FRMD4A: variants seen among roughly 807,000 people sequenced by gnomAD.
FRMD4A encodes the protein FERM domain-containing protein 4A.
In FRMD4A, 29 loss-of-function variants were observed where a neutral mutation model predicts 129.1. That is an observed-to-expected ratio of 0.22 (90% CI 0.17 to 0.31). The LOEUF (loss-of-function observed/expected upper bound fraction) is 0.31, where lower values mean the gene tolerates loss of function less well. Among genes scored for constraint, FRMD4A ranks in the 10% least tolerant of loss-of-function variants. The probability of loss-of-function intolerance (pLI) is 1.00; values close to 1 mark genes in which losing one functional copy is unlikely to be tolerated. For missense variants in FRMD4A, 1,272 were observed against 1,375.8 expected, an observed-to-expected ratio of 0.92 and a Z score of 1.19; for synonymous variants, 634 against 571.6, an observed-to-expected ratio of 1.11 and a Z score of -1.56.
rs150448272 is a variant in FRMD4A at position 14,127,369 on chromosome 10, C to T, written c.45+202689G>A. The stretch of plus-strand genomic sequence containing the variant: ...GGTCGTACATTTTCTTTTGTGAAAA[C>T]TAGTTTGAGTTGGGGTTTGTTAGTG... On this transcript the variant is annotated intron_variant, in intron 2 of 24. Coordinates refer to ENST00000357447, the MANE Select transcript of FRMD4A (RefSeq NM_018027.5). 2.1e-3 allele frequency among the ~76,000 whole-genome samples: 318 copies of T among 152,266 alleles called. 1 individual carries two copies. Among genetic ancestry groups the T allele is most frequent in the African/African-American group, 7.2e-3 (298 of 41,554 alleles).
chr10:13,851,582 G>A (rs916312229), intron 3 of FRMD4A, among the ~76,000 whole-genome samples: 5 of 152,012 alleles, frequency 3.3e-5, no homozygotes, highest in Non-Finnish European at 7.4e-5. Context: ...AACTATACAC[G>A]TGAGGGATCT....
chr10:14,281,290 C>T (rs1357654469), intron 2 of FRMD4A, among the ~76,000 whole-genome samples: 3 of 152,156 alleles, frequency 2.0e-5, no homozygotes, highest in Admixed American at 2.0e-4. Context: ...CCACACCCAG[C>T]CTGGTTTTGC....
chr10:14,127,959 T>C (rs1236022515), intron 2 of FRMD4A, among the ~76,000 whole-genome samples: 7 of 31,416 alleles, frequency 2.2e-4, no homozygotes, highest in Non-Finnish European at 3.5e-4. Flanking sequence ...TCTTTCTTTC[T>C]TTCTTTCTTT....
At chr10:14,313,853 T>C (rs899614846) in intron 2 of FRMD4A, among the ~76,000 whole-genome samples, 2 of 152,260 alleles carry the variant, frequency 1.3e-5, no homozygotes, top group African/African-American at 4.8e-5. Flanking sequence ...TTCTTTTGGT[T>C]GTCTGCACAG....
chr10:14,130,639 G>A (rs767442002), intron 2 of FRMD4A, among the ~76,000 whole-genome samples: 4 of 152,168 alleles, frequency 2.6e-5, no homozygotes, highest in Non-Finnish European at 5.9e-5. Context: ...GGTAAGCGCA[G>A]ACTGACACAT....
At chr10:14,126,264 G>A (rs928371451) in intron 2 of FRMD4A, among the ~76,000 whole-genome samples, 2 of 147,884 alleles carry the variant, frequency 1.4e-5, no homozygotes, top group Non-Finnish European at 3.0e-5. Context: ...TCTGCCTCAA[G>A]GGTTCAAGCA....
At chr10:13,662,817 T>G (rs779356341) in intron 19 of FRMD4A, among the ~76,000 whole-genome samples, 3 of 152,228 alleles carry the variant, frequency 2.0e-5, no homozygotes, top group Non-Finnish European at 4.4e-5. Context: ...TTTCAATCTT[T>G]GATTTGTGAT....
intron 3 of FRMD4A, among the ~76,000 whole-genome samples, chr10:13,856,532 G>A (rs75376674): frequency 0.099 from 15,101 of 152,060 alleles, 830 homozygotes; most frequent in Middle Eastern, 0.24. Context: ...ACGCAGTACA[G>A]ACTAGGCGGA....
chr10:14,102,984 A>G (rs567977642), intron 2 of FRMD4A, among the ~76,000 whole-genome samples: 5 of 152,290 alleles, frequency 3.3e-5, no homozygotes, highest in Non-Finnish European at 7.4e-5. Flanking sequence ...CTGAAGCTTT[A>G]TTTTCCTGGA....
At chr10:13,790,337 G>T (rs371552834) in intron 5 of FRMD4A, among the ~76,000 whole-genome samples, 4 of 152,214 alleles carry the variant, frequency 2.6e-5, no homozygotes, top group African/African-American at 9.6e-5. Context: ...CAGTGGAGAT[G>T]GCCTGGAGCT....
chr10:13,884,194 A>ACACT (rs2094587770), intron 2 of FRMD4A, among the ~76,000 whole-genome samples: 4 of 79,836 alleles, frequency 5.0e-5, no homozygotes, highest in Admixed American at 4.1e-4. Flanking sequence ...ACACACACAC[A>ACACT]CTCACACACA....
rs575946432 is a variant in FRMD4A, at chr10:13,723,447, G to C, written c.759+14397C>G. Among the ~76,000 whole-genome samples the C allele has an allele frequency of 2.6e-5, 4 of 152,274 alleles. No individual in the cohort carries two copies. In the South Asian group the frequency reaches 8.3e-4, roughly 32 times the overall value. On this transcript the variant is annotated intron_variant, in intron 12 of 24. Transcript: ENST00000357447. ...GAATGATGGTTCCCAGCAGATGGGGGGAGAGAAAAGAGGAGTTATTGTTTC... is the reference window on the plus strand; with the variant it reads ...GAATGATGGTTCCCAGCAGATGGGGCGAGAGAAAAGAGGAGTTATTGTTTC...
chr10:14,316,767 A>G (rs1846757698), intron 2 of FRMD4A, among the ~76,000 whole-genome samples: 1 of 152,228 alleles, frequency 6.6e-6, no homozygotes, highest in Non-Finnish European at 1.5e-5. Context: ...GCTTACAGAT[A>G]AGAGCAGAGC....
intron 10 of FRMD4A, 23 bp downstream of exon 10, chr10:13,740,489 T>C: frequency 7.0e-7 from 1 of 1,425,486 alleles, no homozygotes; most frequent in Non-Finnish European, 9.9e-7. Flanking sequence ...TGTCCCCATG[T>C]GAGCTGGGAA....
At chr10:14,041,727 T>C (rs1030631270) in intron 2 of FRMD4A, among the ~76,000 whole-genome samples, 2 of 152,218 alleles carry the variant, frequency 1.3e-5, no homozygotes, top group Non-Finnish European at 2.9e-5. Context: ...GGATAAAATA[T>C]AGCAATGAAA....
intron 6 of FRMD4A, among the ~76,000 whole-genome samples, chr10:13,775,551 T>C (rs1194452889): frequency 2.0e-5 from 3 of 152,212 alleles, no homozygotes; most frequent in Non-Finnish European, 4.4e-5. Flanking sequence ...TCTGGATTGA[T>C]TGCAGGATGT....
chr10:14,314,599 C>T (rs977675852), intron 2 of FRMD4A, among the ~76,000 whole-genome samples: 7 of 152,118 alleles, frequency 4.6e-5, no homozygotes, highest in Non-Finnish European at 8.8e-5. Context: ...GCAAGGGATA[C>T]GATGCTTAGA....
chr10:14,013,778 A>G (rs1319441527), intron 2 of FRMD4A, among the ~76,000 whole-genome samples: 3 of 152,058 alleles, frequency 2.0e-5, no homozygotes, highest in African/African-American at 7.2e-5. Context: ...CCAAAAATAC[A>G]AAATTAGCCA....
At position 14,287,474 on chromosome 10, in the gene FRMD4A, A is replaced by AT. The variant is rs892788675; in HGVS notation, c.45+42583dup. On this transcript the variant is annotated intron_variant, in intron 2 of 24. Transcript: ENST00000357447. ...TACTAGTTAATAACACCTTAAGTGT[A>AT]TTTTCTCTGAGCCACATAAATATTT... Among the ~76,000 whole-genome samples the AT allele has an allele frequency of 5.8e-4, 89 of 152,300 alleles. 1 individual carries two copies. Among genetic ancestry groups the AT allele is most frequent in the African/African-American group, 2.0e-3 (83 of 41,568 alleles).
Sources: allele counts gnomAD v4.1 joint callset (sites outside exome capture counted in the v4.1 genomes callset), GRCh38; gene constraint gnomAD v4.1.1; transcripts MANE v1.5; gene names NCBI Gene and HGNC (gene_info 2026-07-23, HGNC 2026-07-21).